The following SCART1 variants were observed in gnomAD, a reference collection of about 807,000 sequenced individuals.
SCART1 encodes the protein scavenger receptor cysteine-rich domain-containing protein SCART1.
Under a neutral mutation model 36.2 loss-of-function variants are expected in SCART1, and 62 were observed. The observed-to-expected ratio is 1.71, with a 90% CI of 1.40 to 2.12. The LOEUF (loss-of-function observed/expected upper bound fraction) is 2.12, where lower values mean the gene tolerates loss of function less well. Among genes scored for constraint, SCART1 ranks in the 30% most tolerant of loss-of-function variants. The pLI is 0.00. For synonymous variants in SCART1, 487 were observed against 238.7 expected (o/e 2.04, Z -9.59); for missense variants, 1,041 against 540.5 (o/e 1.93, Z -9.18).
exon 4 of SCART1, chr10:133,458,643 G>A (rs1334790324): frequency 1.4e-6 from 1 of 700,238 alleles, no homozygotes; most frequent in South Asian, 1.5e-5. Context: ...ACGACGCGGG[G>A]CTCAGGTGCT....
rs369077963 is a variant in SCART1, at chr10:133,456,414, C to T, written c.245C>T (p.Pro82Leu). Residue 82 changes from proline to leucine, a missense_variant, in exon 2 of 12, where the codon CCG becomes CTG. Coordinates refer to ENST00000640237, the Ensembl canonical transcript of SCART1. ...GCCGTGGGCGCCCCCAAGTATGTCC[C>T]GCTGCCTGGAGAGATGGCCCAGCCC... The T allele has an allele frequency of 3.6e-4, 255 of 702,860 alleles. No homozygotes were observed. In the East Asian group the frequency reaches 4.6e-3, roughly 13 times the overall value. The allele number at this position is 702,860 out of a possible 1,614,324, so 43.5% of individuals were successfully genotyped here.
intron 6 of SCART1, among the ~76,000 whole-genome samples, chr10:133,461,110 T>C (rs1850697090): frequency 6.6e-6 from 1 of 152,014 alleles, no homozygotes; most frequent in Non-Finnish European, 1.5e-5. Flanking sequence ...TACCTGAGCG[T>C]CTTTGTGTTC....
rs1318838837 is a variant in SCART1 at position 133,460,175 on chromosome 10, G to A, written c.1969+5G>A. The A allele has an allele frequency of 4.1e-6, 2 of 491,672 alleles. No individual in the cohort carries two copies. Among genetic ancestry groups the A allele is most frequent in the Non-Finnish European group, 7.1e-6 (2 of 281,398 alleles). The allele number at this position is 491,672 out of a possible 1,614,324, so 30.5% of individuals were successfully genotyped here. A position where few individuals can be genotyped will look rare whatever the true frequency, so the allele number is the denominator to read the frequency against. On this transcript the variant is annotated splice_donor_5th_base_variant and intron_variant, in intron 6 of 11. Transcript: ENST00000640237. The stretch of plus-strand genomic sequence containing the variant: ...ACGCCGGCGTCTTCTGCTCAGGTGA[G>A]CGGCCGTTGGGTATGGAATGATCAT...
At chr10:133,456,295 G>A (rs1202956512) in exon 2 of SCART1, 1 of 702,958 alleles carries the variant, frequency 1.4e-6, no homozygotes, top group South Asian at 1.5e-5. Flanking sequence ...GAGTGGTGTT[G>A]GTCCGACACC....
chr10:133,465,212 C>T (rs1279586479), intron 8 of SCART1, 38 bp downstream of exon 8: 1 of 702,588 alleles, frequency 1.4e-6, no homozygotes, highest in Non-Finnish European at 2.6e-6. Context: ...CCTTCCCATC[C>T]CGGTCCAGCC....
chr10:133,468,522 A>G (rs769737865), exon 12 of SCART1: 3 of 152,172 alleles, frequency 2.0e-5, no homozygotes, highest in Non-Finnish European at 4.4e-5. Flanking sequence ...TGTTGAAGAG[A>G]GGCAGCCAGT....
chr10:133,458,431 G>A (rs879238654), exon 4 of SCART1: 9 of 700,566 alleles, frequency 1.3e-5, no homozygotes, highest in South Asian at 4.4e-5. Flanking sequence ...CTGGGGCACC[G>A]TCTGTGATGC....
chr10:133,459,136 C>T, exon 5 of SCART1: 1 of 702,802 alleles, frequency 1.4e-6, no homozygotes, highest in Middle Eastern at 2.3e-4. Context: ...CCACCGTCCT[C>T]TGCCACCAGC....
At chr10:133,469,681 G>T (rs994031605), downstream of SCART1, among the ~76,000 whole-genome samples, 39 of 152,162 alleles carry the variant, frequency 2.6e-4, no homozygotes, top group Non-Finnish European at 4.4e-5. Flanking sequence ...ACCACGACAC[G>T]TGTATACCTA....
At chr10:133,466,070 G>A in intron 9 of SCART1, 165 bp from the exon 10 acceptor site, 1 of 632,196 alleles carries the variant, frequency 1.6e-6, no homozygotes, top group South Asian at 1.8e-5. Context: ...GCCATTTTGG[G>A]GTGCTCTGCA....
At chr10:133,466,304 G>C in exon 10 of SCART1, 1 of 703,040 alleles carries the variant, frequency 1.4e-6, no homozygotes, top group Non-Finnish European at 2.6e-6. Flanking sequence ...GTCGTCCTGG[G>C]ATCCCTTCTT....
exon 3 of SCART1, chr10:133,457,520 C>G (rs1307414800): frequency 1.4e-6 from 1 of 702,436 alleles, no homozygotes; most frequent in Non-Finnish European, 2.6e-6. Flanking sequence ...GCAGACTGGA[C>G]AACAACTTCC....
chr10:133,455,846 G>C (rs551484470), intron 1 of SCART1, among the ~76,000 whole-genome samples: 2 of 152,084 alleles, frequency 1.3e-5, no homozygotes, highest in South Asian at 2.1e-4. Context: ...GGACAGTCAC[G>C]TGGGTGGGGC....
intron 6 of SCART1, among the ~76,000 whole-genome samples, chr10:133,462,405 A>G (rs998589003): frequency 4.9e-4 from 74 of 152,362 alleles, no homozygotes; most frequent in African/African-American, 1.6e-3. Context: ...CAAAAATACT[A>G]TATTGCTAAT....
chr10:133,458,411 T>C (rs1275010154), exon 4 of SCART1: 1 of 701,848 alleles, frequency 1.4e-6, no homozygotes, highest in Admixed American at 2.0e-5. Flanking sequence ...GCCGGGCGCC[T>C]GGAGGTGACC....
chr10:133,459,719 C>G, exon 6 of SCART1: 1 of 700,212 alleles, frequency 1.4e-6, no homozygotes, highest in South Asian at 1.5e-5. Context: ...GTCTGGGCAC[C>G]GAAACCCGCC....
At chr10:133,460,032 T>A in exon 6 of SCART1, 1 of 516,306 alleles carries the variant, frequency 1.9e-6, no homozygotes, top group South Asian at 2.8e-5. Flanking sequence ...GGCCGCACAC[T>A]TCGGAGCCGG....
chr10:133,459,318 T>C (rs1334065519), exon 5 of SCART1: 3 of 641,824 alleles, frequency 4.7e-6, no homozygotes, highest in South Asian at 3.5e-5. Flanking sequence ...GCCTCCGCGG[T>C]CTGCTCAGGT....
chr10:133,459,608 C>A, exon 6 of SCART1: 1 of 673,930 alleles, frequency 1.5e-6, no homozygotes, highest in South Asian at 1.6e-5. Context: ...GCGGCGCGGG[C>A]GTGGTGTGCC....
Sources: gnomAD v4.1 joint callset for allele counts (sites outside exome capture counted in the v4.1 genomes callset) on GRCh38, gnomAD v4.1.1 for gene constraint, MANE v1.5 for transcripts, NCBI Gene and HGNC (gene_info 2026-07-23, HGNC 2026-07-21) for gene names.